ADCY8: variants seen among roughly 807,000 people sequenced by gnomAD.
ADCY8 encodes the protein adenylate cyclase 8.
In ADCY8, 51 loss-of-function variants were observed where a neutral mutation model predicts 119.7. The ratio of observed to expected loss-of-function variants is 0.43; its 90% CI spans 0.34 to 0.54. The LOEUF is 0.54. Among genes scored for constraint, ADCY8 ranks in the 20% least tolerant of loss-of-function variants. The pLI, the probability that ADCY8 is intolerant of heterozygous loss-of-function variation, is 0.03. For synonymous variants in ADCY8, 665 were observed against 651.0 expected, an observed-to-expected ratio of 1.02 and a Z score of -0.33; for missense variants, 1,383 against 1,598.8, an observed-to-expected ratio of 0.87 and a Z score of 2.30.
In ADCY8 at chr8:130,937,107, C is replaced by T; in HGVS notation, c.1447G>A (p.Val483Ile). ...EPRQDHAHCC[V>I]EMGLSMIKTI... ...TTGATCATGCTGAGACCCATTTCAA[C>T]ACAGCAGTGGGCATGGTCCTGGCGG... The change falls in exon 5 of 18, where the codon GTT (valine) becomes ATT (isoleucine). Residue 483 changes from valine to isoleucine, a missense_variant. Physicochemically the swap from Val to Ile is conservative, Grantham distance 29. Transcript: ENST00000286355. 1.2e-6 allele frequency: 2 copies of T among 1,613,730 alleles called. No homozygotes were observed. Among genetic ancestry groups the T allele is most frequent in the Non-Finnish European group, 1.7e-6 (2 of 1,179,818 alleles).
chr8:130,800,146 C>T (rs1422387539), intron 15 of ADCY8, among the ~76,000 whole-genome samples: 1 of 152,124 alleles, frequency 6.6e-6, no homozygotes, highest in Non-Finnish European at 1.5e-5. Flanking sequence ...GGCCTCTAGT[C>T]AAGTCCTGCC....
intron 2 of ADCY8, among the ~76,000 whole-genome samples, chr8:130,954,107 C>T (rs1188874873): frequency 1.3e-5 from 2 of 152,308 alleles, no homozygotes; most frequent in East Asian, 3.9e-4. Flanking sequence ...AGCTGTAATA[C>T]ACAATCCACA....
At chr8:130,871,398 G>A (rs1453029919) in intron 8 of ADCY8, among the ~76,000 whole-genome samples, 2 of 152,072 alleles carry the variant, frequency 1.3e-5, no homozygotes, top group South Asian at 2.1e-4. Flanking sequence ...TGCAACCTTG[G>A]ACAAAATCTT....
intron 5 of ADCY8, among the ~76,000 whole-genome samples, chr8:130,921,457 T>C (rs1245761029): frequency 6.7e-6 from 1 of 149,224 alleles, no homozygotes; most frequent in African/African-American, 2.5e-5. Flanking sequence ...TTCTTTTTTT[T>C]TTTTTTTTTT....
At chr8:131,008,145 C>G (rs915050932) in intron 1 of ADCY8, among the ~76,000 whole-genome samples, 1 of 152,080 alleles carries the variant, frequency 6.6e-6, no homozygotes, top group Non-Finnish European at 1.5e-5. Flanking sequence ...GCAACGTCAC[C>G]CTAATCCCCA....
chr8:130,979,004 G>T (rs1470784870), intron 2 of ADCY8, among the ~76,000 whole-genome samples: 1 of 152,122 alleles, frequency 6.6e-6, no homozygotes, highest in African/African-American at 2.4e-5. Flanking sequence ...CTTAGAAATA[G>T]AACTTAGGTC....
At chr8:130,809,767 A>C (rs1009853136) in intron 14 of ADCY8, among the ~76,000 whole-genome samples, 1 of 152,230 alleles carries the variant, frequency 6.6e-6, no homozygotes, top group South Asian at 2.1e-4. Flanking sequence ...CTTATTTGGA[A>C]CACCTCAAAA....
intron 7 of ADCY8, among the ~76,000 whole-genome samples, chr8:130,888,738 G>T (rs1034922410): frequency 6.6e-6 from 1 of 152,066 alleles, no homozygotes; most frequent in African/African-American, 2.4e-5. Context: ...TGGGCTGGGG[G>T]AAGTCACAAA....
chr8:131,014,443 G>A (rs779904578), intron 1 of ADCY8, among the ~76,000 whole-genome samples: 10 of 152,046 alleles, frequency 6.6e-5, no homozygotes, highest in Admixed American at 2.0e-4. Context: ...ACACCATCCT[G>A]TTCACAATTT....
chr8:130,970,727 T>G (rs1306880403), intron 2 of ADCY8, among the ~76,000 whole-genome samples: 2 of 152,140 alleles, frequency 1.3e-5, no homozygotes, highest in Admixed American at 6.5e-5. Flanking sequence ...TGGAAAGCCA[T>G]TGGGGGTGTT....
chr8:130,853,926 G>T (rs1009439152), intron 9 of ADCY8, among the ~76,000 whole-genome samples: 1 of 152,104 alleles, frequency 6.6e-6, no homozygotes, highest in African/African-American at 2.4e-5. Context: ...TTTAAAGGAG[G>T]CTCTGAGATT....
intron 11 of ADCY8, among the ~76,000 whole-genome samples, chr8:130,836,716 C>G (rs1816999487): frequency 6.6e-6 from 1 of 152,100 alleles, no homozygotes; most frequent in Non-Finnish European, 1.5e-5. Context: ...CACAGGCCAT[C>G]CTAAGTTGGT....
chr8:130,958,879 G>A (rs1184103882), intron 2 of ADCY8, among the ~76,000 whole-genome samples: 1 of 151,750 alleles, frequency 6.6e-6, no homozygotes, highest in Non-Finnish European at 1.5e-5. Flanking sequence ...AACTTATCTT[G>A]TTTATTGTCT....
chr8:131,011,971 C>G (rs1321423216), intron 1 of ADCY8, among the ~76,000 whole-genome samples: 1 of 152,168 alleles, frequency 6.6e-6, no homozygotes, highest in Non-Finnish European at 1.5e-5. Context: ...AGGTAGAATA[C>G]ATGAGTCAGG....
At chr8:130,974,418 A>G (rs1207697922) in intron 2 of ADCY8, among the ~76,000 whole-genome samples, 2 of 152,246 alleles carry the variant, frequency 1.3e-5, no homozygotes, top group African/African-American at 4.8e-5. Flanking sequence ...CAGCCAGTGC[A>G]GTATTTTTTA....
chr8:130,899,310 A>G (rs1212616397), intron 7 of ADCY8, among the ~76,000 whole-genome samples: 1 of 152,132 alleles, frequency 6.6e-6, no homozygotes, highest in East Asian at 1.9e-4. Context: ...ACTCCTTTGA[A>G]ATGTAAGCTC....
intron 1 of ADCY8, among the ~76,000 whole-genome samples, chr8:131,015,352 G>A (rs757658752): frequency 6.6e-6 from 1 of 152,206 alleles, no homozygotes; most frequent in Non-Finnish European, 1.5e-5. Flanking sequence ...GGAGTAGCCA[G>A]GGAAGGTATC....
chr8:130,878,845 C>G (rs1405685006), intron 8 of ADCY8, among the ~76,000 whole-genome samples: 1 of 152,126 alleles, frequency 6.6e-6, no homozygotes, highest in Admixed American at 6.5e-5. Flanking sequence ...TTTAATCTTC[C>G]TTGATATGGC....
At chr8:130,948,258 AGT>A (rs1424172103) in intron 3 of ADCY8, among the ~76,000 whole-genome samples, 2 of 152,250 alleles carry the variant, frequency 1.3e-5, no homozygotes, top group Admixed American at 1.3e-4. Context: ...GAATACAAGA[AGT>A]GTCTTAAGTA....
Sources: allele counts gnomAD v4.1 joint callset (sites outside exome capture counted in the v4.1 genomes callset), GRCh38; gene constraint gnomAD v4.1.1; transcripts MANE v1.5; gene names NCBI Gene and HGNC (gene_info 2026-07-23, HGNC 2026-07-21).